Variants in ERC1 observed in about 807,000 individuals in gnomAD.
ERC1 encodes ELKS/RAB6-interacting/CAST family member 1.
ERC1 carries 56 observed loss-of-function variants against 132.0 expected under a neutral mutation model. The observed-to-expected ratio is 0.42, with a 90% CI of 0.34 to 0.53. ERC1 has a LOEUF of 0.53. Ranked by LOEUF, ERC1 falls within the 20% of genes least tolerant of loss-of-function variation. The probability of loss-of-function intolerance (pLI) is 0.03; values close to 1 mark genes in which losing one functional copy is unlikely to be tolerated. For synonymous variants in ERC1, 478 were observed against 476.1 expected, an observed-to-expected ratio of 1.00 and a Z score of -0.05; for missense variants, 1,202 against 1,349.9, an observed-to-expected ratio of 0.89 and a Z score of 1.72.
In ERC1 at chr12:1,183,437, T is replaced by G. The variant is rs1305907660; in HGVS notation, c.2157+16T>G. ...ATTGAAAAAGGTTAAAGAAAAAATT[T>G]CACATTTTTTTGCTTTGCCTTAAAT... On this transcript the variant is annotated intron_variant, in intron 11 of 18. Coordinates refer to ENST00000360905, the MANE Select transcript of ERC1 (RefSeq NM_178040.4). 1.3e-6 allele frequency: 2 copies of G among 1,548,086 alleles called. No homozygotes were observed. Among genetic ancestry groups the G allele is most frequent in the South Asian group, 1.2e-5 (1 of 81,726 alleles).
chr12:1,408,688 A>G (rs2091661811), intron 17 of ERC1, among the ~76,000 whole-genome samples: 2 of 152,226 alleles, frequency 1.3e-5, no homozygotes, highest in South Asian at 4.1e-4. Flanking sequence ...CTCTCTGCTC[A>G]TTACCTATTA....
At position 1,378,668 on chromosome 12, in the gene ERC1, CAT is replaced by C. The variant is rs546252773; in HGVS notation, c.2925+6692_2925+6693del. On this transcript the variant is annotated intron_variant, in intron 16 of 18. Transcript: ENST00000360905. ...GTATTGTAATGGTCAGCCAGAGAGA[CAT>C]GTGTCTAGTCAGTTTTATTAACTAC... Among the ~76,000 whole-genome samples, 59 of 152,326 alleles carry C rather than the reference CAT, an allele frequency of 3.9e-4. No homozygotes were observed. The South Asian group carries it at 4.1e-3, about 11-fold the overall frequency.
chr12:1,398,500 C>T (rs1422537484), intron 16 of ERC1, among the ~76,000 whole-genome samples: 4 of 152,106 alleles, frequency 2.6e-5, no homozygotes, highest in Non-Finnish European at 5.9e-5. Flanking sequence ...AATCTTAAAT[C>T]TGAATTTAAA....
intron 2 of ERC1, among the ~76,000 whole-genome samples, chr12:1,080,178 C>T (rs557043999): frequency 3.3e-5 from 5 of 152,278 alleles, no homozygotes; most frequent in African/African-American, 9.6e-5. Flanking sequence ...TTAACCATTT[C>T]GAAGTGTACA....
chr12:1,093,957 CTATATATATATATATATATA>C (rs202076174), intron 3 of ERC1, among the ~76,000 whole-genome samples: 10 of 68,910 alleles, frequency 1.5e-4, no homozygotes, highest in Admixed American at 7.9e-4. Flanking sequence ...ATATATTTTT[CTATATATATATATATATATA>C]TATATATAGA....
chr12:1,196,832 G>C (rs146685159), intron 12 of ERC1, among the ~76,000 whole-genome samples: 22,981 of 71,438 alleles, frequency 0.32, 5,050 homozygotes, highest in African/African-American at 0.53. Flanking sequence ...CTCTCTCTCT[G>C]TCTGTCTCTC....
intron 16 of ERC1, among the ~76,000 whole-genome samples, chr12:1,394,026 A>AC (rs1212366852): frequency 9.9e-6 from 1 of 101,030 alleles, no homozygotes; most frequent in Non-Finnish European, 1.9e-5. Context: ...AAAAAAAAAA[A>AC]AAAAAAACAA....
At chr12:1,169,621 G>A (rs1356722180) in intron 8 of ERC1, among the ~76,000 whole-genome samples, 3 of 152,146 alleles carry the variant, frequency 2.0e-5, no homozygotes, top group African/African-American at 7.2e-5. Context: ...TACAGGGTAG[G>A]ATATGAGTGC....
chr12:1,054,462 A>G (rs1180911075), intron 2 of ERC1, among the ~76,000 whole-genome samples: 2 of 151,742 alleles, frequency 1.3e-5, no homozygotes, highest in African/African-American at 4.8e-5. Flanking sequence ...AAATTTACCT[A>G]GTTTGTCCCT....
chr12:1,225,961 ATTTG>A (rs769976331), intron 12 of ERC1, among the ~76,000 whole-genome samples: 20 of 152,206 alleles, frequency 1.3e-4, no homozygotes, highest in Non-Finnish European at 2.5e-4. Context: ...ATTTTTCTCC[ATTTG>A]TTTGTCTTCT....
chr12:1,418,613 T>C (rs940727490), intron 17 of ERC1, among the ~76,000 whole-genome samples: 7 of 103,076 alleles, frequency 6.8e-5, no homozygotes, highest in African/African-American at 2.5e-4. Context: ...CTTTCTTTCT[T>C]TCTTTCTTTC....
intron 7 of ERC1, among the ~76,000 whole-genome samples, chr12:1,121,364 A>G (rs1733925416): frequency 6.6e-6 from 1 of 152,240 alleles, no homozygotes; most frequent in South Asian, 2.1e-4. Context: ...TGATGTGCAT[A>G]GACGACCATG....
At chr12:1,070,293 TC>T (rs1326474186) in intron 2 of ERC1, among the ~76,000 whole-genome samples, 1 of 149,470 alleles carries the variant, frequency 6.7e-6, no homozygotes, top group African/African-American at 2.4e-5. Context: ...TTTCTTACTT[TC>T]TTTTTTTCTT....
chr12:1,299,750 G>T (rs1210170894), intron 15 of ERC1, among the ~76,000 whole-genome samples: 1 of 152,058 alleles, frequency 6.6e-6, no homozygotes, highest in Non-Finnish European at 1.5e-5. Flanking sequence ...CTACCAAATG[G>T]ATCAAGGGAA....
At chr12:1,448,969 G>A (rs1010894556) in intron 18 of ERC1, among the ~76,000 whole-genome samples, 2 of 152,246 alleles carry the variant, frequency 1.3e-5, no homozygotes, top group Non-Finnish European at 2.9e-5. Flanking sequence ...AGCTGCCCAC[G>A]GCCCTGAGAG....
intron 2 of ERC1, among the ~76,000 whole-genome samples, chr12:1,079,805 T>C (rs1205674565): frequency 7.1e-6 from 1 of 140,622 alleles, no homozygotes; most frequent in Non-Finnish European, 1.6e-5. Flanking sequence ...ATGACAAAAG[T>C]CGATATACAG....
chr12:1,335,561 C>T (rs901006154), intron 15 of ERC1, among the ~76,000 whole-genome samples: 1 of 151,988 alleles, frequency 6.6e-6, no homozygotes, highest in South Asian at 2.1e-4. Context: ...AACCTTGCAT[C>T]GTAGAGACAA....
chr12:1,042,043 C>T (rs1970295350), intron 2 of ERC1, among the ~76,000 whole-genome samples: 1 of 151,482 alleles, frequency 6.6e-6, no homozygotes, highest in Non-Finnish European at 1.5e-5. Flanking sequence ...GCCACTGCAT[C>T]TGGCCTACCA....
rs766688587 is a variant in ERC1 at position 1,408,195 on chromosome 12, A to G, written c.2972A>G (p.His991Arg). 2 of 1,614,116 alleles carry G rather than the reference A, an allele frequency of 1.2e-6. No individual in the cohort carries two copies. Among genetic ancestry groups the G allele is most frequent in the Non-Finnish European group, 1.7e-6 (2 of 1,179,994 alleles). The change falls in exon 17 of 19, where the codon CAC (histidine) becomes CGC (arginine). Residue 991 changes from histidine to arginine, a missense_variant. Coordinates refer to ENST00000360905, the MANE Select transcript of ERC1 (RefSeq NM_178040.4). ...ATGGCCGACAACTACGAGGATGACC[A>G]CTTCAAATCCTCCCATTCCAATCAA... Reference protein sequence around the residue: ...KLMADNYEDDHFKSSHSNQTN... With the variant: ...KLMADNYEDDRFKSSHSNQTN...
Sources: gnomAD v4.1 joint callset for allele counts (sites outside exome capture counted in the v4.1 genomes callset) on GRCh38, gnomAD v4.1.1 for gene constraint, MANE v1.5 for transcripts, NCBI Gene and HGNC (gene_info 2026-07-23, HGNC 2026-07-21) for gene names.